The following PDZD2 variants were observed in gnomAD, a reference collection of about 807,000 sequenced individuals.
PDZD2 encodes PDZ domain-containing protein 2.
PDZD2 carries 90 observed loss-of-function variants against 220.7 expected under a neutral mutation model. That is an observed-to-expected ratio of 0.41 (90% confidence interval 0.34 to 0.49). The LOEUF (loss-of-function observed/expected upper bound fraction) is 0.49, where lower values mean the gene tolerates loss of function less well. Ranked by LOEUF, PDZD2 falls within the 20% of genes least tolerant of loss-of-function variation. The pLI is 0.28. For synonymous variants in PDZD2, 1,375 were observed against 1,450.5 expected, an observed-to-expected ratio of 0.95 and a Z score of 1.18; for missense variants, 3,174 against 3,608.5, an observed-to-expected ratio of 0.88 and a Z score of 3.08.
At chr5:31,684,042 C>T (rs1437374863) in intron 1 of PDZD2, among the ~76,000 whole-genome samples, 2 of 152,060 alleles carry the variant, frequency 1.3e-5, no homozygotes, top group Non-Finnish European at 2.9e-5. Flanking sequence ...AAAGCAAAGG[C>T]AATTGCCTCA....
At chr5:31,966,956 G>T (rs1394132353) in intron 2 of PDZD2, among the ~76,000 whole-genome samples, 1 of 152,216 alleles carries the variant, frequency 6.6e-6, no homozygotes, top group Non-Finnish European at 1.5e-5. Flanking sequence ...GGAGAACAGT[G>T]CGTGACCTTA....
chr5:31,774,016 G>A (rs1418143905), intron 1 of PDZD2, among the ~76,000 whole-genome samples: 3 of 152,066 alleles, frequency 2.0e-5, no homozygotes, highest in Non-Finnish European at 4.4e-5. Flanking sequence ...GGGTGACCTG[G>A]GCAGTGACTC....
chr5:31,977,743 C>T (rs1466429564), intron 2 of PDZD2, among the ~76,000 whole-genome samples: 1 of 152,192 alleles, frequency 6.6e-6, no homozygotes, highest in Non-Finnish European at 1.5e-5. Context: ...GAGGCTGAGG[C>T]GGGCGGATCA....
At chr5:31,868,424 C>T (rs1026301879) in intron 2 of PDZD2, among the ~76,000 whole-genome samples, 13 of 152,074 alleles carry the variant, frequency 8.5e-5, no homozygotes, top group Admixed American at 2.0e-4. Context: ...CCAGCCTGGA[C>T]GACAGAGCGA....
chr5:31,774,004 C>G (rs1346659185), intron 1 of PDZD2, among the ~76,000 whole-genome samples: 1 of 152,148 alleles, frequency 6.6e-6, no homozygotes, highest in Non-Finnish European at 1.5e-5. Context: ...CACAGAGTCC[C>G]AGGGTGACCT....
rs1219816245 is a variant in PDZD2 at position 32,107,848 on chromosome 5, T to G, written c.8354-121T>G. The G allele has an allele frequency of 7.1e-6, 4 of 561,420 alleles. No homozygotes were observed. The East Asian group carries it at 1.2e-4, about 17-fold the overall frequency. The allele number at this position is 561,420 out of a possible 1,614,324, so 34.8% of individuals were successfully genotyped here. On this transcript the variant is annotated intron_variant, in intron 24 of 24. Transcript: ENST00000438447. ...ATGCTTTTTGTGTTCTAAGAAATAT[T>G]TCTCTATTCAATAATATATTATTTA...
intron 8 of PDZD2, among the ~76,000 whole-genome samples, chr5:32,052,248 C>T (rs990976491): frequency 1.1e-4 from 16 of 152,166 alleles, no homozygotes; most frequent in Admixed American, 2.6e-4. Context: ...CAGGTTCAAG[C>T]GATTGTCCTG....
intron 10 of PDZD2, 53 bp from the exon 11 acceptor site, chr5:32,057,602 A>G (rs1581391901): frequency 2.8e-6 from 3 of 1,057,742 alleles, no homozygotes; most frequent in East Asian, 4.7e-5. Flanking sequence ...GAGCAGTTAA[A>G]TTCCAGGAAA....
In PDZD2 at chr5:31,811,610, C is replaced by T. The variant is rs201264927; in HGVS notation, c.476+11886C>T. On this transcript the variant is annotated intron_variant, in intron 2 of 24. Transcript: ENST00000438447. ...GCTGGGATTTATTAAGAAATTTTGA[C>T]CTTGGGATCACAAATGTATCTTCAC... Among the ~76,000 whole-genome samples the T allele has an allele frequency of 1.1e-3, 164 of 152,264 alleles. 2 individuals carry two copies. Among genetic ancestry groups the T allele is most frequent in the Admixed American group, 9.4e-3 (144 of 15,288 alleles).
intron 7 of PDZD2, among the ~76,000 whole-genome samples, chr5:32,047,567 G>A (rs1228120692): frequency 6.6e-6 from 1 of 152,146 alleles, no homozygotes; most frequent in Non-Finnish European, 1.5e-5. Context: ...CGCAACAAAG[G>A]CCATTTGTGG....
chr5:31,964,323 G>A (rs1748523275), intron 2 of PDZD2, among the ~76,000 whole-genome samples: 1 of 152,236 alleles, frequency 6.6e-6, no homozygotes, highest in Non-Finnish European at 1.5e-5. Flanking sequence ...AGGTAGATGA[G>A]CCTGAGGGAC....
At chr5:31,660,854 C>T (rs573584030) in intron 1 of PDZD2, among the ~76,000 whole-genome samples, 37 of 152,256 alleles carry the variant, frequency 2.4e-4, no homozygotes, top group African/African-American at 8.2e-4. Context: ...TCCTGAGTAG[C>T]TTAGACTAAC....
intron 2 of PDZD2, among the ~76,000 whole-genome samples, chr5:31,881,319 C>CAT (rs34927911): frequency 2.0e-4 from 24 of 119,898 alleles, no homozygotes; most frequent in East Asian, 4.5e-4. Context: ...ATCCCATTTC[C>CAT]ATATATATGT....
At chr5:32,072,683 A>T (rs1437825417) in intron 17 of PDZD2, among the ~76,000 whole-genome samples, 1 of 152,200 alleles carries the variant, frequency 6.6e-6, no homozygotes, top group Non-Finnish European at 1.5e-5. Flanking sequence ...GTGAGCTGAG[A>T]TCGCACCATT....
rs1450791302 is a variant in PDZD2, at chr5:32,059,116, T to G, written c.2201-123T>G. On this transcript the variant is annotated intron_variant, in intron 12 of 24. Transcript: ENST00000438447. Reference sequence around the variant, plus strand: ...AAAAGCTGGATTTACATTCTGAGTCTGGACCAGAAATAAATGGTTATTGGT... The same window carrying G: ...AAAAGCTGGATTTACATTCTGAGTCGGGACCAGAAATAAATGGTTATTGGT... 5 of 600,082 alleles carry G rather than the reference T, an allele frequency of 8.3e-6. No individual in the cohort carries two copies. The Admixed American group carries it at 1.2e-4, about 14-fold the overall frequency. The allele number at this position is 600,082 out of a possible 1,614,324, so 37.2% of individuals were successfully genotyped here. A position where few individuals can be genotyped will look rare whatever the true frequency, so the allele number is the denominator to read the frequency against.
At chr5:31,810,889 A>T (rs989773443) in intron 2 of PDZD2, among the ~76,000 whole-genome samples, 1 of 152,232 alleles carries the variant, frequency 6.6e-6, no homozygotes, top group African/African-American at 2.4e-5. Flanking sequence ...AGATTTCTTC[A>T]TGGGATTCTT....
intron 6 of PDZD2, among the ~76,000 whole-genome samples, chr5:32,035,940 G>C (rs1755504477): frequency 1.3e-5 from 2 of 151,958 alleles, no homozygotes; most frequent in Admixed American, 1.3e-4. Context: ...GTTTTGTTTT[G>C]TTTTGTTTGT....
intron 19 of PDZD2, among the ~76,000 whole-genome samples, chr5:32,080,347 CAAAAAAA>C (rs35491724): frequency 0.079 from 4,268 of 53,914 alleles, 94 homozygotes; most frequent in Non-Finnish European, 0.1. Flanking sequence ...GACTCCATCT[CAAAAAAA>C]AAAAAAAAAA....
intron 6 of PDZD2, among the ~76,000 whole-genome samples, chr5:32,025,284 G>A (rs1271231759): frequency 6.6e-6 from 1 of 152,120 alleles, no homozygotes; most frequent in Admixed American, 6.5e-5. Context: ...CCAGCACTTT[G>A]GGAGGCTGAG....
Sources: allele counts gnomAD v4.1 joint callset (sites outside exome capture counted in the v4.1 genomes callset), GRCh38; gene constraint gnomAD v4.1.1; transcripts MANE v1.5; gene names NCBI Gene and HGNC (gene_info 2026-07-23, HGNC 2026-07-21).